Variants in ADARB2 observed in about 807,000 individuals in gnomAD.
ADARB2 encodes inactive double-stranded RNA-specific editase B2.
ADARB2 carries 25 observed loss-of-function variants against 62.2 expected under a neutral mutation model. The observed-to-expected ratio is 0.40, with a 90% CI of 0.29 to 0.56. The LOEUF is 0.56. Ranked by LOEUF, ADARB2 falls within the 20% of genes least tolerant of loss-of-function variation. ADARB2 has a pLI of 0.43. For missense variants in ADARB2, 1,071 were observed against 1,077.4 expected (o/e 0.99, Z 0.08); for synonymous variants, 572 against 500.8 (o/e 1.14, Z -1.90).
chr10:1,227,902 C>G (rs974433265), intron 6 of ADARB2, among the ~76,000 whole-genome samples: 1 of 152,192 alleles, frequency 6.6e-6, no homozygotes, highest in Admixed American at 6.5e-5. Context: ...TACCATGTGT[C>G]CACGTGGGTG....
intron 3 of ADARB2, among the ~76,000 whole-genome samples, chr10:1,301,304 A>G (rs1831570349): frequency 7.3e-6 from 1 of 137,548 alleles, no homozygotes. Context: ...GTTCATAGAG[A>G]TGAGAAAAAT....
chr10:1,196,206 CTTTTTTTTT>C (rs10665720), intron 8 of ADARB2, among the ~76,000 whole-genome samples: 1 of 120,928 alleles, frequency 8.3e-6, no homozygotes, highest in Non-Finnish European at 1.7e-5. Flanking sequence ...CTTCTTTTGC[CTTTTTTTTT>C]TTTTTTTTTT....
intron 6 of ADARB2, among the ~76,000 whole-genome samples, chr10:1,229,930 G>T (rs1830788697): frequency 6.6e-6 from 1 of 152,100 alleles, no homozygotes; most frequent in Non-Finnish European, 1.5e-5. Context: ...AGCAGGCGTG[G>T]CCACTGTGGA....
chr10:1,697,791 TTCTTCA>T (rs1460164191), intron 1 of ADARB2, among the ~76,000 whole-genome samples: 1 of 152,168 alleles, frequency 6.6e-6, no homozygotes, highest in Non-Finnish European at 1.5e-5. Flanking sequence ...CCTGATGGAA[TTCTTCA>T]GTGGATCCTG....
intron 1 of ADARB2, among the ~76,000 whole-genome samples, chr10:1,587,953 C>T (rs1245274759): frequency 1.3e-5 from 2 of 152,114 alleles, no homozygotes; most frequent in Non-Finnish European, 2.9e-5. Flanking sequence ...CCTCCCTAGT[C>T]TCATGGAACT....
At chr10:1,724,618 T>C (rs1399168734) in intron 1 of ADARB2, among the ~76,000 whole-genome samples, 1 of 152,232 alleles carries the variant, frequency 6.6e-6, no homozygotes, top group Non-Finnish European at 1.5e-5. Context: ...CACTGTGCTC[T>C]CTGCCTCAGT....
At chr10:1,504,088 G>A (rs989048235) in intron 1 of ADARB2, among the ~76,000 whole-genome samples, 4 of 152,300 alleles carry the variant, frequency 2.6e-5, no homozygotes, top group African/African-American at 9.6e-5. Context: ...ATTTCATGAA[G>A]CAGGCACAAA....
intron 1 of ADARB2, among the ~76,000 whole-genome samples, chr10:1,687,639 T>C (rs1488678930): frequency 1.3e-5 from 2 of 151,376 alleles, no homozygotes; most frequent in Non-Finnish European, 2.9e-5. Context: ...ATTATTTAAA[T>C]AATCATATTT....
At chr10:1,652,243 A>C (rs1588339253) in intron 1 of ADARB2, among the ~76,000 whole-genome samples, 1 of 152,194 alleles carries the variant, frequency 6.6e-6, no homozygotes, top group Admixed American at 6.5e-5. Flanking sequence ...ATGGCTGCCC[A>C]GTCTCAGCTT....
At chr10:1,522,131 T>A (rs1017844987) in intron 1 of ADARB2, among the ~76,000 whole-genome samples, 13 of 152,230 alleles carry the variant, frequency 8.5e-5, no homozygotes, top group African/African-American at 2.4e-4. Context: ...ATTCTGTGAA[T>A]GGTAATCATC....
At chr10:1,400,814 A>G (rs1421390436) in intron 1 of ADARB2, among the ~76,000 whole-genome samples, 1 of 151,978 alleles carries the variant, frequency 6.6e-6, no homozygotes, top group Non-Finnish European at 1.5e-5. Flanking sequence ...GGATGGTTTT[A>G]ATTTGCTTGA....
At chr10:1,525,347 G>A (rs1832127193) in intron 1 of ADARB2, among the ~76,000 whole-genome samples, 1 of 152,304 alleles carries the variant, frequency 6.6e-6, no homozygotes, top group South Asian at 2.1e-4. Context: ...GGAATCTCAC[G>A]ATTTCATCTG....
chr10:1,316,283 A>G (rs893309103), intron 3 of ADARB2, among the ~76,000 whole-genome samples: 11 of 152,222 alleles, frequency 7.2e-5, no homozygotes, highest in African/African-American at 2.4e-4. Context: ...GGATGGTGCC[A>G]GGCTGCTGGG....
chr10:1,697,038 C>G (rs925517220), intron 1 of ADARB2, among the ~76,000 whole-genome samples: 2 of 151,726 alleles, frequency 1.3e-5, no homozygotes, highest in Non-Finnish European at 2.9e-5. Context: ...CAAGACAGTT[C>G]TTCTTCTGAT....
At chr10:1,696,396 TACAC>T (rs139329806) in intron 1 of ADARB2, among the ~76,000 whole-genome samples, 4,494 of 152,314 alleles carry the variant, frequency 0.03, 224 homozygotes, top group African/African-American at 0.1. Flanking sequence ...TATATGGAAA[TACAC>T]ACATATTTAT....
chr10:1,662,232 G>A (rs1420673843), intron 1 of ADARB2, among the ~76,000 whole-genome samples: 1 of 152,162 alleles, frequency 6.6e-6, no homozygotes, highest in Non-Finnish European at 1.5e-5. Flanking sequence ...AGAGAGGTTT[G>A]GAGGTGAGGG....
intron 4 of ADARB2, among the ~76,000 whole-genome samples, chr10:1,266,133 C>T (rs529134949): frequency 2.6e-5 from 4 of 152,012 alleles, no homozygotes; most frequent in South Asian, 2.1e-4. Context: ...GGTCCACGCT[C>T]TCCCGGAAGA....
At chr10:1,216,704 G>A in intron 7 of ADARB2, 1 of 560,252 alleles carries the variant, frequency 1.8e-6, no homozygotes, top group Non-Finnish European at 3.1e-6. Flanking sequence ...GCTCGGGGCT[G>A]TTTGCCTCTG....
intron 1 of ADARB2, among the ~76,000 whole-genome samples, chr10:1,605,255 T>C (rs1189720755): frequency 6.6e-6 from 1 of 152,212 alleles, no homozygotes. Context: ...GCCTCGTTCC[T>C]TCAGCCTGGG....
Sources: gnomAD v4.1 joint callset for allele counts (sites outside exome capture counted in the v4.1 genomes callset) on GRCh38, gnomAD v4.1.1 for gene constraint, MANE v1.5 for transcripts, NCBI Gene and HGNC (gene_info 2026-07-23, HGNC 2026-07-21) for gene names.